LRFN5: variants seen among roughly 807,000 people sequenced by gnomAD.
LRFN5 encodes leucine rich repeat and fibronectin type III domain containing 5, also known as leucine-rich repeat and fibronectin type-III domain-containing protein 5.
In LRFN5, 24 loss-of-function variants were observed where a neutral mutation model predicts 45.6. That is an observed-to-expected ratio of 0.53 (90% confidence interval 0.38 to 0.74). The LOEUF (loss-of-function observed/expected upper bound fraction) is 0.74. Among genes scored for constraint, LRFN5 ranks in the 30% least tolerant of loss-of-function variants. LRFN5 has a pLI of 0.00. For missense variants in LRFN5, 776 were observed against 861.5 expected (o/e 0.90, Z 1.24); for synonymous variants, 340 against 313.8 (o/e 1.08, Z -0.88).
At chr14:41,785,176 C>T (rs750975070) in intron 2 of LRFN5, among the ~76,000 whole-genome samples, 3 of 151,918 alleles carry the variant, frequency 2.0e-5, no homozygotes, top group Non-Finnish European at 4.4e-5. Flanking sequence ...TTTCTTTTAG[C>T]GGACATATTG....
intron 1 of LRFN5, among the ~76,000 whole-genome samples, chr14:41,727,552 A>G (rs1236237966): frequency 1.3e-5 from 2 of 152,118 alleles, no homozygotes; most frequent in Non-Finnish European, 2.9e-5. Context: ...CTTGAGCCTA[A>G]GAGTTTGAGG....
chr14:41,759,433 T>C (rs1400620841), intron 1 of LRFN5, among the ~76,000 whole-genome samples: 1 of 143,296 alleles, frequency 7.0e-6, no homozygotes, highest in Non-Finnish European at 1.6e-5. Context: ...CATTATAAAG[T>C]ATATTCTCTC....
chr14:41,702,872 G>C lies in LRFN5; in HGVS notation c.-196-63982G>C, dbSNP rs538119565. On this transcript the variant is annotated intron_variant, in intron 1 of 5. Coordinates refer to ENST00000298119, the MANE Select transcript of LRFN5 (RefSeq NM_152447.5). The stretch of plus-strand genomic sequence containing the variant: ...TATATTTTCTATCTCTCAGTTAAGA[G>C]AGAGAAAGAAGTTGGTGAAGCAGTA... Among the ~76,000 whole-genome samples the C allele has an allele frequency of 4.6e-5, 7 of 152,194 alleles. No individual in the cohort carries two copies. In the South Asian group the frequency reaches 1.5e-3, roughly 32 times the overall value.
rs1020327908 is a variant in LRFN5 at position 41,766,873 on chromosome 14, C to T, written c.-177C>T. On this transcript the variant is annotated 5_prime_UTR_variant, in exon 2 of 6. Transcript: ENST00000298119. ...TTGAAGAATCCCTGTAACCATTCAT[C>T]CAGGTGTTGAGAAGATATGTAGCAG... The T allele has an allele frequency of 3.9e-5, 6 of 152,530 alleles. No homozygotes were observed. The highest frequency in any genetic ancestry group is 7.4e-5 in the Non-Finnish European group (5 of 68,026). The allele number at this position is 152,530 out of a possible 1,614,324, so 9.4% of individuals were successfully genotyped here.
chr14:41,894,158 T>C (rs1051422581), intron 4 of LRFN5: 1 of 984,558 alleles, frequency 1.0e-6, no homozygotes, highest in Non-Finnish European at 1.2e-6. Flanking sequence ...AAAGACTTTC[T>C]GGGATTATGA....
intron 2 of LRFN5, among the ~76,000 whole-genome samples, chr14:41,791,554 C>T (rs1236428951): frequency 1.3e-5 from 2 of 152,010 alleles, no homozygotes; most frequent in African/African-American, 4.8e-5. Flanking sequence ...AAAATATTTA[C>T]TCATTTCTGA....
chr14:41,767,936 ACTTGATGTAAGCATTT>A (rs754613796), intron 2 of LRFN5, among the ~76,000 whole-genome samples: 4 of 151,870 alleles, frequency 2.6e-5, no homozygotes, highest in Non-Finnish European at 4.4e-5. Flanking sequence ...TCTCCTAAAT[ACTTGATGTAAGCATTT>A]CTTGTTGCTC....
At chr14:41,787,130 CTT>C (rs144673819) in intron 2 of LRFN5, among the ~76,000 whole-genome samples, 21,719 of 151,894 alleles carry the variant, frequency 0.14, 1,712 homozygotes, top group East Asian at 0.21. Context: ...TATTGATTGA[CTT>C]TTTCTGACTT....
intron 1 of LRFN5, among the ~76,000 whole-genome samples, chr14:41,663,925 C>G: frequency 6.6e-6 from 1 of 152,106 alleles, no homozygotes; most frequent in Admixed American, 6.6e-5. Context: ...GATCAATACA[C>G]ATTAACAACT....
chr14:41,611,010 T>A, intron 1 of LRFN5, among the ~76,000 whole-genome samples: 1 of 152,186 alleles, frequency 6.6e-6, no homozygotes, highest in East Asian at 1.9e-4. Context: ...ATATAGGTAC[T>A]TGGAAAATAA....
chr14:41,721,893 CTG>C (rs540410776), intron 1 of LRFN5, among the ~76,000 whole-genome samples: 163 of 152,124 alleles, frequency 1.1e-3, no homozygotes, highest in African/African-American at 3.6e-3. Flanking sequence ...TCTGGGTTTC[CTG>C]TATCTGGATG....
chr14:41,740,304 C>T (rs1176193058), intron 1 of LRFN5, among the ~76,000 whole-genome samples: 1 of 151,864 alleles, frequency 6.6e-6, no homozygotes, highest in East Asian at 1.9e-4. Context: ...AGAAAACTAG[C>T]AAACCAAATT....
intron 2 of LRFN5, among the ~76,000 whole-genome samples, chr14:41,866,904 A>G (rs1390156747): frequency 5.3e-5 from 8 of 152,140 alleles, no homozygotes; most frequent in Non-Finnish European, 1.2e-4. Context: ...AATATGACCT[A>G]GATTATATTA....
At chr14:41,856,672 A>ATTTTTTTTTTTTTTT (rs1889465921) in intron 2 of LRFN5, among the ~76,000 whole-genome samples, 13 of 5,980 alleles carry the variant, frequency 2.2e-3, no homozygotes, top group South Asian at 0.012. Context: ...TATTATTATT[A>ATTTTTTTTTTTTTTT]TTATTTTTTT....
intron 1 of LRFN5, among the ~76,000 whole-genome samples, chr14:41,753,242 G>A (rs543320768): frequency 2.7e-5 from 4 of 150,564 alleles, no homozygotes; most frequent in Admixed American, 6.6e-5. Context: ...TTGACTTGGC[G>A]ATGCGGGCTC....
At chr14:41,877,846 A>T (rs1890240176) in intron 2 of LRFN5, among the ~76,000 whole-genome samples, 1 of 152,170 alleles carries the variant, frequency 6.6e-6, no homozygotes, top group Non-Finnish European at 1.5e-5. Context: ...TGTATGTTGC[A>T]GTTGCTAAAC....
chr14:41,665,784 G>T lies in LRFN5; in HGVS notation c.-197+57222G>T, dbSNP rs570483968. ...GTGCTCACTTCAATTTTAATGTGTA[G>T]ACCCGATACATCTTATTCACTTAAA... On this transcript the variant is annotated intron_variant, in intron 1 of 5. Transcript: ENST00000298119. Among the ~76,000 whole-genome samples, 3 of 151,910 alleles carry T rather than the reference G, an allele frequency of 2.0e-5. No homozygotes were observed. The South Asian group carries it at 6.2e-4, about 31-fold the overall frequency.
At chr14:41,785,191 G>A (rs1387924764) in intron 2 of LRFN5, among the ~76,000 whole-genome samples, 2 of 151,834 alleles carry the variant, frequency 1.3e-5, no homozygotes, top group African/African-American at 2.4e-5. Context: ...ATATTGTTAG[G>A]TCTTGCTATT....
intron 1 of LRFN5, among the ~76,000 whole-genome samples, chr14:41,618,255 G>A (rs143173103): frequency 9.9e-5 from 15 of 152,180 alleles, no homozygotes; most frequent in African/African-American, 2.6e-4. Context: ...CAAAATGGCC[G>A]CAAATTCATT....
Sources: allele counts gnomAD v4.1 joint callset (sites outside exome capture counted in the v4.1 genomes callset), GRCh38; gene constraint gnomAD v4.1.1; transcripts MANE v1.5; gene names NCBI Gene and HGNC (gene_info 2026-07-23, HGNC 2026-07-21).